Variants in BRD10 observed in about 807,000 individuals in gnomAD.
BRD10 encodes the protein uncharacterized bromodomain-containing protein 10.
the BRD10 span, chr9:5,892,498 C>A: frequency 1.2e-6 from 2 of 1,613,860 alleles, no homozygotes; most frequent in East Asian, 2.2e-5. Context: ...ATGCTCACTT[C>A]ATCTATGGTT....
At chr9:5,985,514 G>A in the BRD10 span, among the ~76,000 whole-genome samples, 11 of 152,256 alleles carry the variant, frequency 7.2e-5, no homozygotes, top group Admixed American at 2.6e-4. Context: ...GGCTGGGCAC[G>A]GTGGCTCACA....
At chr9:5,958,060 A>G in the BRD10 span, among the ~76,000 whole-genome samples, 55 of 152,298 alleles carry the variant, frequency 3.6e-4, no homozygotes, top group Non-Finnish European at 6.6e-4. Flanking sequence ...ACAGAATTTC[A>G]ATACCACTCT....
the BRD10 span, among the ~76,000 whole-genome samples, chr9:5,982,660 T>C: frequency 1.3e-5 from 2 of 152,258 alleles, no homozygotes; most frequent in Non-Finnish European, 2.9e-5. Context: ...TCACATCCTC[T>C]GTAACTGTAA....
At chr9:6,004,344 A>T in the BRD10 span, among the ~76,000 whole-genome samples, 4 of 152,230 alleles carry the variant, frequency 2.6e-5, no homozygotes, top group Non-Finnish European at 4.4e-5. Flanking sequence ...CAGGGACATG[A>T]ATGCCTAATT....
chr9:5,910,009 T>C, the BRD10 span: 4 of 152,234 alleles, frequency 2.6e-5, no homozygotes, highest in Non-Finnish European at 5.9e-5. Flanking sequence ...AGAGGATAAC[T>C]ATAACAACGA....
chr9:5,893,206 G>A, the BRD10 span, among the ~76,000 whole-genome samples: 2 of 152,320 alleles, frequency 1.3e-5, no homozygotes, highest in East Asian at 1.9e-4. Flanking sequence ...TTCAGCAAAT[G>A]TAAGTGCGGT....
chr9:5,905,691 T>C, the BRD10 span, among the ~76,000 whole-genome samples: 1 of 152,212 alleles, frequency 6.6e-6, no homozygotes, highest in African/African-American at 2.4e-5. Context: ...CACCTGTGAC[T>C]TGTAAGTCTC....
chr9:5,895,701 C>G, the BRD10 span, among the ~76,000 whole-genome samples: 166 of 152,268 alleles, frequency 1.1e-3, no homozygotes, highest in African/African-American at 3.9e-3. Flanking sequence ...ATTGGGTAGG[C>G]CAGGGGTGGA....
At chr9:5,907,559 T>C in the BRD10 span, among the ~76,000 whole-genome samples, 9 of 152,352 alleles carry the variant, frequency 5.9e-5, 1 homozygote, top group East Asian at 1.7e-3. Context: ...TTTATATTGA[T>C]TCACCTTGAA....
chr9:5,931,481 T>A, the BRD10 span, among the ~76,000 whole-genome samples: 1 of 152,204 alleles, frequency 6.6e-6, no homozygotes. Context: ...ACTAGAAGAC[T>A]GTATATAAGG....
chr9:5,890,418 T>A, the BRD10 span, among the ~76,000 whole-genome samples: 1 of 152,140 alleles, frequency 6.6e-6, no homozygotes, highest in African/African-American at 2.4e-5. Context: ...TAACTGGGCA[T>A]CCTCCTCAGC....
At chr9:5,990,036 A>G in the BRD10 span, among the ~76,000 whole-genome samples, 1 of 152,250 alleles carries the variant, frequency 6.6e-6, no homozygotes, top group Non-Finnish European at 1.5e-5. Flanking sequence ...TGATAACACT[A>G]TAACTAATTC....
At chr9:5,907,231 C>T in the BRD10 span, 387 of 287,626 alleles carry the variant, frequency 1.3e-3, no homozygotes, top group South Asian at 2.7e-3. Context: ...TGTGTTGTCA[C>T]ATACCCAGTG....
At chr9:5,882,637 G>T in the BRD10 span, among the ~76,000 whole-genome samples, 2 of 152,136 alleles carry the variant, frequency 1.3e-5, no homozygotes, top group African/African-American at 4.8e-5. Flanking sequence ...GATCTTTGTA[G>T]CCCAAAATAA....
chr9:5,950,150 G>C, the BRD10 span, among the ~76,000 whole-genome samples: 1 of 152,290 alleles, frequency 6.6e-6, no homozygotes, highest in East Asian at 1.9e-4. Flanking sequence ...TCAAATTCTT[G>C]TAGGCTTAAT....
At chr9:5,912,528 G>C in the BRD10 span, among the ~76,000 whole-genome samples, 1 of 152,130 alleles carries the variant, frequency 6.6e-6, no homozygotes, top group African/African-American at 2.4e-5. Flanking sequence ...CTGAAATCCA[G>C]GGCTGTTACT....
the BRD10 span, chr9:5,919,479 GAAC>G: frequency 2.0e-6 from 1 of 511,838 alleles, no homozygotes; most frequent in Non-Finnish European, 3.4e-6. Context: ...AAGTGAAATG[GAAC>G]AGATCTTTCC....
the BRD10 span, among the ~76,000 whole-genome samples, chr9:5,971,872 G>C: frequency 6.6e-6 from 1 of 151,948 alleles, no homozygotes; most frequent in African/African-American, 2.4e-5. Context: ...CTCAACTAGA[G>C]GACTGCAAGA....
chr9:5,993,792 C>T, the BRD10 span, among the ~76,000 whole-genome samples: 1 of 152,222 alleles, frequency 6.6e-6, no homozygotes, highest in Non-Finnish European at 1.5e-5. Flanking sequence ...CCTTATAAAT[C>T]AGCCTTCTGG....
Sources: gnomAD v4.1 joint callset for allele counts (sites outside exome capture counted in the v4.1 genomes callset) on GRCh38, gnomAD v4.1.1 for gene constraint, MANE v1.5 for transcripts, NCBI Gene and HGNC (gene_info 2026-07-23, HGNC 2026-07-21) for gene names.